Variants in ADPRHL1 observed in about 807,000 individuals in gnomAD.
ADPRHL1 encodes the protein inactive ADP-ribosyltransferase ARH2.
Under a neutral mutation model 44.1 loss-of-function variants are expected in ADPRHL1, and 43 were observed. That is an observed-to-expected ratio of 0.98 (90% CI 0.76 to 1.26). The LOEUF is 1.26. Among genes scored for constraint, ADPRHL1 ranks in the 50% most tolerant of loss-of-function variants. The probability of loss-of-function intolerance (pLI) is 0.00; values close to 1 mark genes in which losing one functional copy is unlikely to be tolerated. For synonymous variants in ADPRHL1, 878 were observed against 1,017.4 expected, an observed-to-expected ratio of 0.86 and a Z score of 2.61; for missense variants, 2,022 against 2,496.9, an observed-to-expected ratio of 0.81 and a Z score of 4.05.
At chr13:113,413,944 C>G (rs898715340) in intron 7 of ADPRHL1, among the ~76,000 whole-genome samples, 1 of 152,260 alleles carries the variant, frequency 6.6e-6, no homozygotes, top group Non-Finnish European at 1.5e-5. Flanking sequence ...TAGAGGCCAT[C>G]ACAGCGCAGG....
chr13:113,422,706 T>G (rs1427010469), intron 7 of ADPRHL1, 120 bp downstream of exon 7: 1 of 1,298,608 alleles, frequency 7.7e-7, no homozygotes, highest in Non-Finnish European at 1.1e-6. Context: ...ATGTGGCCAG[T>G]CAGGCACAGA....
intron 4 of ADPRHL1, among the ~76,000 whole-genome samples, chr13:113,425,623 T>C (rs7996746): frequency 0.83 from 125,793 of 151,422 alleles, 52,411 homozygotes; most frequent in Admixed American, 0.87. Flanking sequence ...CCACCTGCCT[T>C]GGCCTCCCAA....
At chr13:113,451,306 A>G (rs1379754901) in intron 1 of ADPRHL1, among the ~76,000 whole-genome samples, 2 of 152,158 alleles carry the variant, frequency 1.3e-5, no homozygotes, top group African/African-American at 4.8e-5. Flanking sequence ...TGGTATAACT[A>G]TTCTTGTTTT....
At chr13:113,413,655 C>T (rs983031256) in intron 7 of ADPRHL1, among the ~76,000 whole-genome samples, 4 of 152,214 alleles carry the variant, frequency 2.6e-5, no homozygotes, top group Non-Finnish European at 2.9e-5. Flanking sequence ...CCCCTTGGGC[C>T]GTCAGCCCCA....
In ADPRHL1 at chr13:113,400,238, C is replaced by CA. The variant is rs1404065160; in HGVS notation, c.*3139_*3140insT. On this transcript the variant is annotated 3_prime_UTR_variant, in exon 8 of 8. Coordinates refer to ENST00000612156, the MANE Select transcript of ADPRHL1 (RefSeq NM_001394807.1). ...TCGGCTCACTGCAAGCTCCACCTCC[C>CA]GGGTTCACGCCATTCTCCTGTCTCA... 8.7e-5 allele frequency: 13 copies of CA among 149,436 alleles called. No individual in the cohort carries two copies. The highest frequency in any genetic ancestry group is 3.2e-4 in the African/African-American group (13 of 40,696). The allele number at this position is 149,436 out of a possible 1,614,324, so 9.3% of individuals were successfully genotyped here. A position where few individuals can be genotyped will look rare whatever the true frequency, so the allele number is the denominator to read the frequency against.
Position 113,444,590 on chromosome 13 carries a change from C to A in ADPRHL1, c.215-1G>T, listed in dbSNP as rs375112372. The A allele has an allele frequency of 1.2e-6, 2 of 1,612,788 alleles. No individual in the cohort carries two copies. The highest frequency in any genetic ancestry group is 2.2e-5 in the East Asian group (1 of 44,848). ...TACAGATCATCCAGGCACCAGTAGT[C>A]TGCGGAAGAAAGGGAGGGCAGACAT... On this transcript the variant is annotated splice_acceptor_variant, in intron 1 of 7. Transcript: ENST00000612156. LOFTEE classifies it high-confidence loss of function.
In ADPRHL1 at chr13:113,407,024, C is replaced by CCTGCGGTGCTCT; in HGVS notation, c.2246_2257dup (p.Glu749_Ala752dup). On this transcript the variant is annotated inframe_insertion, in exon 8 of 8. Coordinates refer to ENST00000612156, the MANE Select transcript of ADPRHL1 (RefSeq NM_001394807.1). ...GGCTCCCCTCACCTCCTGGACGCCT[C>CCTGCGGTGCTCT]CTGCGGTGCTCTCTGCGGTGGGGTC... 3 of 1,232,302 alleles carry CCTGCGGTGCTCT rather than the reference C, an allele frequency of 2.4e-6. No individual in the cohort carries two copies. The highest frequency in any genetic ancestry group is 3.0e-6 in the Non-Finnish European group (3 of 988,092). The allele number at this position is 1,232,302 out of a possible 1,614,324, so 76.3% of individuals were successfully genotyped here.
intron 1 of ADPRHL1, among the ~76,000 whole-genome samples, chr13:113,447,062 T>C (rs1434891933): frequency 6.7e-6 from 1 of 149,222 alleles, no homozygotes; most frequent in Non-Finnish European, 1.5e-5. Context: ...TGTGTGTGCA[T>C]GGTGTCTACA....
chr13:113,450,033 G>A (rs910896368), intron 1 of ADPRHL1, among the ~76,000 whole-genome samples: 8 of 152,346 alleles, frequency 5.3e-5, no homozygotes, highest in South Asian at 2.1e-4. Context: ...GATAACATGC[G>A]TGAAGCAGCT....
chr13:113,449,065 C>T, intron 1 of ADPRHL1: 1 of 987,432 alleles, frequency 1.0e-6, no homozygotes, highest in Non-Finnish European at 1.2e-6. Context: ...GTTTCAGGGC[C>T]ATGGATGCCA....
Position 113,408,038 on chromosome 13 carries a change from T to C in ADPRHL1, c.1244A>G (p.His415Arg). 5 of 1,232,630 alleles carry C rather than the reference T, an allele frequency of 4.1e-6. No homozygotes were observed. Among genetic ancestry groups the C allele is most frequent in the Non-Finnish European group, 5.1e-6 (5 of 988,498 alleles). The allele number at this position is 1,232,630 out of a possible 1,614,324, so 76.4% of individuals were successfully genotyped here. Residue 415 changes from histidine (H) to arginine (R), a missense_variant, in exon 8 of 8, where the codon CAC (histidine) becomes CGC (arginine). Physicochemically the swap from His to Arg is conservative, Grantham distance 29. Transcript: ENST00000612156. Reference sequence around the variant, plus strand: ...GGTGGCCTCCTGGGTCTGGGGCTGGTGGCTGGGCCTGCTCCCCCCGGCCTC... The same window carrying C: ...GGTGGCCTCCTGGGTCTGGGGCTGGCGGCTGGGCCTGCTCCCCCCGGCCTC... ...GTEAGGSRPS[H>R]QPQTQEATQR... is the part of the protein sequence containing the mutation.
Position 113,408,188 on chromosome 13 carries a change from A to G in ADPRHL1, c.1094T>C (p.Met365Thr). The change falls in exon 8 of 8, where the codon ATG becomes ACG. Residue 365 changes from methionine (M) to threonine (T), a missense_variant. This residue lies in a region of ADPRHL1 where 1,221 missense variants were observed against 1,517.8 expected (regional missense o/e 0.80). Transcript: ENST00000612156. Reference protein sequence around the residue: ...RKSSKTCSDVMSVDAQTLKKK... With the variant: ...RKSSKTCSDVTSVDAQTLKKK... ...CTTCAGGGTTTGGGCGTCCACAGAC[A>G]TGACGTCACTGCAGGTCTTGCTGCT... The G allele has an allele frequency of 8.1e-7, 1 of 1,232,040 alleles. No individual in the cohort carries two copies. Among genetic ancestry groups the G allele is most frequent in the African/African-American group, 1.5e-5 (1 of 64,556 alleles). The allele number at this position is 1,232,040 out of a possible 1,614,324, so 76.3% of individuals were successfully genotyped here.
At chr13:113,435,348 C>A (rs1343436628) in intron 2 of ADPRHL1, among the ~76,000 whole-genome samples, 1 of 136,708 alleles carries the variant, frequency 7.3e-6, no homozygotes, top group Non-Finnish European at 1.5e-5. Flanking sequence ...TAGCCCGTGA[C>A]CCAGCACCCA....
At chr13:113,442,435 TG>T (rs1240505427) in intron 2 of ADPRHL1, among the ~76,000 whole-genome samples, 2 of 152,268 alleles carry the variant, frequency 1.3e-5, no homozygotes, top group African/African-American at 2.4e-5. Flanking sequence ...TGCTCCAGCC[TG>T]GGTGACAGAG....
chr13:113,420,849 C>G (rs1360678885), intron 7 of ADPRHL1, among the ~76,000 whole-genome samples: 3 of 151,676 alleles, frequency 2.0e-5, no homozygotes, highest in Non-Finnish European at 4.4e-5. Context: ...CACCTCTACC[C>G]CTGGGACACA....
intron 7 of ADPRHL1, among the ~76,000 whole-genome samples, chr13:113,418,984 C>T (rs1004358690): frequency 1.2e-4 from 13 of 105,500 alleles, no homozygotes; most frequent in African/African-American, 3.4e-4. Context: ...TTTTCCTTCC[C>T]TCCCTCCCTC....
At chr13:113,444,360 G>A in intron 2 of ADPRHL1, 65 bp downstream of exon 2, 2 of 1,563,264 alleles carry the variant, frequency 1.3e-6, no homozygotes, top group Non-Finnish European at 1.7e-6. Flanking sequence ...GTGGAAGGCA[G>A]ATGGTTAGGA....
At chr13:113,416,365 C>A (rs560052934) in intron 7 of ADPRHL1, among the ~76,000 whole-genome samples, 12 of 152,000 alleles carry the variant, frequency 7.9e-5, no homozygotes, top group Non-Finnish European at 1.8e-4. Flanking sequence ...CACAAAGGGG[C>A]GTCTGGTAAA....
chr13:113,437,126 G>A (rs7322925), intron 2 of ADPRHL1, among the ~76,000 whole-genome samples: 15,597 of 86,794 alleles, frequency 0.18, 2,576 homozygotes, highest in Middle Eastern at 0.25. Context: ...GCACCCACAC[G>A]TAGAGTGAAC....
Sources: allele counts gnomAD v4.1 joint callset (sites outside exome capture counted in the v4.1 genomes callset), GRCh38; gene constraint gnomAD v4.1.1; regional missense constraint gnomAD v4.1.1; transcripts MANE v1.5; gene names NCBI Gene and HGNC (gene_info 2026-07-23, HGNC 2026-07-21).